The following ANKRD62 variants were observed in gnomAD, a reference collection of about 807,000 sequenced individuals.
ANKRD62 encodes the protein ankyrin repeat domain 62, also known as ankyrin repeat domain-containing protein 62.
In ANKRD62, 61 loss-of-function variants were observed where a neutral mutation model predicts 98.8. The observed-to-expected ratio is 0.62, with a 90% CI of 0.50 to 0.76. The LOEUF is 0.76. Ranked by LOEUF, ANKRD62 falls within the 30% of genes least tolerant of loss-of-function variation. The pLI is 0.00. For missense variants in ANKRD62, 933 were observed against 1,082.9 expected, an observed-to-expected ratio of 0.86 and a Z score of 1.94; for synonymous variants, 341 against 367.9, an observed-to-expected ratio of 0.93 and a Z score of 0.84.
the ANKRD62 span, among the ~76,000 whole-genome samples, chr18:12,153,451 G>A: frequency 2.6e-5 from 4 of 151,848 alleles, no homozygotes; most frequent in African/African-American, 9.7e-5. Context: ...AATTAGCCAG[G>A]TGTGGTGGTG....
intron 8 of ANKRD62, among the ~76,000 whole-genome samples, chr18:12,108,239 C>T (rs1347349113): frequency 1.3e-5 from 2 of 152,188 alleles, no homozygotes; most frequent in African/African-American, 4.8e-5. Context: ...CACTACCTGA[C>T]ACTGGGTAAT....
At chr18:12,175,257 C>T in the ANKRD62 span, among the ~76,000 whole-genome samples, 5 of 152,230 alleles carry the variant, frequency 3.3e-5, no homozygotes, top group African/African-American at 1.2e-4. Flanking sequence ...GTTCTCTGTA[C>T]CTAGTTTCAC....
chr18:12,113,702 A>C (rs1163821867), intron 8 of ANKRD62, among the ~76,000 whole-genome samples: 1 of 152,176 alleles, frequency 6.6e-6, no homozygotes, highest in African/African-American at 2.4e-5. Flanking sequence ...TGTTGGTGGG[A>C]GTGTATATTA....
rs1421084205 is a variant in ANKRD62, at chr18:12,125,642, C to A, written c.1821C>A (p.Leu607=). 6.5e-7 allele frequency: 1 copy of A among 1,529,802 alleles called. No homozygotes were observed. The highest frequency in any genetic ancestry group is 8.7e-7 in the Non-Finnish European group (1 of 1,145,166). The allele number at this position is 1,529,802 out of a possible 1,614,324, so 94.8% of individuals were successfully genotyped here. ...ACAATGAAGACCTTGAAAAGACTCT[C>A]AAGCGGAATGAGGAAGCATTAACAA... ...KENNEDLEKT[L]KRNEEALTKT... Residue 607 remains leucine (L), a synonymous_variant, in exon 13 of 14, where the codon CTC becomes CTA. Transcript: ENST00000587848.
At chr18:12,170,136 C>G in the ANKRD62 span, among the ~76,000 whole-genome samples, 1 of 152,222 alleles carries the variant, frequency 6.6e-6, no homozygotes, top group African/African-American at 2.4e-5. Context: ...TCCTTCAGCT[C>G]TGCTCTGATC....
At position 12,115,230 on chromosome 18, in the gene ANKRD62, C is replaced by T. The variant is rs759383851; in HGVS notation, c.1098+109C>T. 268 of 1,276,410 alleles carry T rather than the reference C, an allele frequency of 2.1e-4. 1 individual carries two copies. Among genetic ancestry groups the T allele is most frequent in the Non-Finnish European group, 2.0e-4 (198 of 968,324 alleles). The allele number at this position is 1,276,410 out of a possible 1,614,324, so 79.1% of individuals were successfully genotyped here. A position where few individuals can be genotyped will look rare whatever the true frequency, so the allele number is the denominator to read the frequency against. On this transcript the variant is annotated intron_variant, in intron 9 of 13. Coordinates refer to ENST00000587848, the MANE Select transcript of ANKRD62 (RefSeq NM_001277333.2). ...AAAGACATTGACTTTGATAAAGCAGCGGTAACCATTCATAAAAGCACCCTT... is the reference window on the plus strand; with the variant it reads ...AAAGACATTGACTTTGATAAAGCAGTGGTAACCATTCATAAAAGCACCCTT...
rs762507487 is a variant in ANKRD62, at chr18:12,115,475, C to T, written c.1181C>T (p.Pro394Leu). ...SEKTSEDDEL[P>L]YSDDENFMLL... is the part of the protein sequence containing the mutation. Reference sequence around the variant, plus strand: ...AAAACCTCAGAGGATGATGAGTTGCCTTACTCTGATGATGAGAATTTTATG... The same window carrying T: ...AAAACCTCAGAGGATGATGAGTTGCTTTACTCTGATGATGAGAATTTTATG... Residue 394 changes from proline (P) to leucine (L), a missense_variant, in exon 10 of 14, where the codon CCT (proline) becomes CTT (leucine). Around this residue, in one of 3 missense-constraint regions of ANKRD62, gnomAD observed 549 missense variants for 587.9 expected, o/e 0.93. Transcript: ENST00000587848. The T allele has an allele frequency of 3.9e-6, 6 of 1,537,384 alleles. No individual in the cohort carries two copies. In the African/African-American group the frequency reaches 8.2e-5, roughly 21 times the overall value.
intron 7 of ANKRD62, among the ~76,000 whole-genome samples, chr18:12,104,339 A>G (rs1019048566): frequency 6.6e-6 from 1 of 152,134 alleles, no homozygotes; most frequent in Admixed American, 6.5e-5. Context: ...TCATTTTTTC[A>G]TACTTCATTA....
downstream of ANKRD62, among the ~76,000 whole-genome samples, chr18:12,130,819 G>A (rs1909992271): frequency 6.6e-6 from 1 of 151,996 alleles, no homozygotes; most frequent in Non-Finnish European, 1.5e-5. Context: ...AGCCTCCCAA[G>A]TAGCTGGGAC....
chr18:12,157,916 G>C, the ANKRD62 span, among the ~76,000 whole-genome samples: 1 of 152,230 alleles, frequency 6.6e-6, no homozygotes, highest in Admixed American at 6.5e-5. Context: ...GTAGGTGGGA[G>C]TGGCTAGGGT....
At chr18:12,122,017 G>A (rs1485305407) in intron 10 of ANKRD62, among the ~76,000 whole-genome samples, 2 of 152,160 alleles carry the variant, frequency 1.3e-5, no homozygotes, top group Non-Finnish European at 2.9e-5. Flanking sequence ...GTATAGGTCA[G>A]ATCCTCTTAC....
downstream of ANKRD62, among the ~76,000 whole-genome samples, chr18:12,132,477 C>G (rs1910020241): frequency 6.6e-6 from 1 of 151,972 alleles, no homozygotes; most frequent in Non-Finnish European, 1.5e-5. Context: ...TCTCCCAACT[C>G]CCTTTTAAAA....
At position 12,126,118 on chromosome 18, in the gene ANKRD62, T is replaced by C. The variant is rs1179753058; in HGVS notation, c.2297T>C (p.Val766Ala). 6.5e-7 allele frequency: 1 copy of C among 1,536,096 alleles called. No individual in the cohort carries two copies. The highest frequency in any genetic ancestry group is 2.0e-5 in the Admixed American group (1 of 50,990). The change falls in exon 13 of 14, where the codon GTG (valine) becomes GCG (alanine). Residue 766 changes from valine to alanine, a missense_variant. By Grantham distance (64) the Val-to-Ala change is moderately conservative (BLOSUM62 0). This residue lies in a region of ANKRD62 where 362 missense variants were observed against 434.5 expected (regional missense o/e 0.83). Transcript: ENST00000587848. ...GACCAACCTATTTTGGAAAAATACG[T>C]GAGAAAGCAGCAATCTGTAGAGGAT... ...QNDQPILEKY[V>A]RKQQSVEDGL...
intron 8 of ANKRD62, among the ~76,000 whole-genome samples, chr18:12,114,097 A>G (rs1909606600): frequency 6.6e-6 from 1 of 152,192 alleles, no homozygotes; most frequent in Non-Finnish European, 1.5e-5. Flanking sequence ...GAGAACACAT[A>G]GACACATTGA....
the ANKRD62 span, among the ~76,000 whole-genome samples, chr18:12,134,932 C>A: frequency 6.6e-6 from 1 of 152,086 alleles, no homozygotes; most frequent in Non-Finnish European, 1.5e-5. Context: ...GTTCCAGATC[C>A]CTGAGGAATC....
chr18:12,176,062 C>T, the ANKRD62 span, among the ~76,000 whole-genome samples: 1 of 151,506 alleles, frequency 6.6e-6, no homozygotes, highest in African/African-American at 2.4e-5. Flanking sequence ...CATGGTGGCG[C>T]ATGCCTGTAA....
chr18:12,140,483 T>C, the ANKRD62 span, among the ~76,000 whole-genome samples: 1 of 152,240 alleles, frequency 6.6e-6, no homozygotes, highest in African/African-American at 2.4e-5. Flanking sequence ...TGGTTTTATC[T>C]ACCTTTGGTC....
At chr18:12,106,167 T>G (rs1470529707) in intron 7 of ANKRD62, among the ~76,000 whole-genome samples, 1 of 152,208 alleles carries the variant, frequency 6.6e-6, no homozygotes, top group African/African-American at 2.4e-5. Flanking sequence ...TATAGATATC[T>G]CCACCTATTT....
At chr18:12,167,557 C>T in the ANKRD62 span, among the ~76,000 whole-genome samples, 4 of 152,126 alleles carry the variant, frequency 2.6e-5, no homozygotes, top group Non-Finnish European at 5.9e-5. Flanking sequence ...TGGGTTGGTT[C>T]CAAGTCTTTA....
Sources: allele counts gnomAD v4.1 joint callset (sites outside exome capture counted in the v4.1 genomes callset), GRCh38; gene constraint gnomAD v4.1.1; regional missense constraint gnomAD v4.1.1; transcripts MANE v1.5; gene names NCBI Gene and HGNC (gene_info 2026-07-23, HGNC 2026-07-21).